Variants in HDAC9 observed in about 807,000 individuals in gnomAD.
HDAC9 encodes MEF-2 interacting transcription repressor (MITR) protein.
A neutral mutation model predicts 139.4 loss-of-function variants in HDAC9; 41 were observed. That is an observed-to-expected ratio of 0.29 (90% CI 0.23 to 0.38). The LOEUF is 0.38. Among genes scored for constraint, HDAC9 ranks in the 10% least tolerant of loss-of-function variants. HDAC9 has a pLI of 1.00. For synonymous variants in HDAC9, 517 were observed against 476.2 expected (o/e 1.09, Z -1.12); for missense variants, 1,147 against 1,297.0 (o/e 0.88, Z 1.78).
At chr7:18,843,210 C>G (rs1354698810) in intron 21 of HDAC9, among the ~76,000 whole-genome samples, 1 of 151,974 alleles carries the variant, frequency 6.6e-6, no homozygotes, top group Non-Finnish European at 1.5e-5. Flanking sequence ...ATTTGTATGC[C>G]TAGAAGTGAT....
chr7:18,411,885 G>C (rs886519360), intron 1 of HDAC9, among the ~76,000 whole-genome samples: 5 of 145,572 alleles, frequency 3.4e-5, no homozygotes, highest in Non-Finnish European at 7.4e-5. Context: ...GAGTGCAGTG[G>C]CATGTTCTCA....
At chr7:18,400,560 G>A (rs754612683) in intron 1 of HDAC9, among the ~76,000 whole-genome samples, 1 of 152,166 alleles carries the variant, frequency 6.6e-6, no homozygotes, top group Non-Finnish European at 1.5e-5. Context: ...CGGGAGGTAT[G>A]AATGGGAACT....
chr7:19,000,632 A>C lies in HDAC9; in HGVS notation c.*4570A>C, dbSNP rs1164318276. The C allele has an allele frequency of 6.6e-6, 1 of 152,208 alleles. No individual in the cohort carries two copies. The highest frequency in any genetic ancestry group is 1.5e-5 in the Non-Finnish European group (1 of 68,020). The allele number at this position is 152,208 out of a possible 1,614,324, so 9.4% of individuals were successfully genotyped here. The stretch of plus-strand genomic sequence containing the variant: ...ACTAGGTCAGACAATGAAACCTTAG[A>C]CTTTTGATTGGGGCTGTTTGGACTT... On this transcript the variant is annotated 3_prime_UTR_variant, in exon 26 of 26. Coordinates refer to ENST00000686413, the MANE Select transcript of HDAC9 (RefSeq NM_178425.4).
intron 2 of HDAC9, among the ~76,000 whole-genome samples, chr7:18,183,809 G>T (rs1789692857): frequency 6.6e-6 from 1 of 152,094 alleles, no homozygotes; most frequent in Admixed American, 6.6e-5. Context: ...GTAAACTAAG[G>T]TATTAAAGTA....
At chr7:18,470,107 G>T (rs1794610064) in intron 1 of HDAC9, among the ~76,000 whole-genome samples, 1 of 152,056 alleles carries the variant, frequency 6.6e-6, no homozygotes, top group South Asian at 2.1e-4. Flanking sequence ...GGTGGCCAAG[G>T]TAGGAGGACC....
At chr7:18,276,620 C>T (rs936749989) in intron 2 of HDAC9, among the ~76,000 whole-genome samples, 9 of 152,132 alleles carry the variant, frequency 5.9e-5, no homozygotes, top group Admixed American at 3.3e-4. Context: ...CTTGACAGAG[C>T]ACCTCTAGAG....
Position 18,874,512 on chromosome 7 carries a change from C to G in HDAC9, c.2719C>G (p.Pro907Ala). The G allele has an allele frequency of 1.3e-6, 2 of 1,592,672 alleles. No individual in the cohort carries two copies. Among genetic ancestry groups the G allele is most frequent in the Non-Finnish European group, 1.7e-6 (2 of 1,168,506 alleles). ...GAAGCCTGTGGCCAAAGAGTTTGAT[C>G]CAGACATGGTCTTAGTATCTGCTGG... ...IVKPVAKEFD[P>A]DMVLVSAGFD... The change falls in exon 22 of 26, where the codon CCA (proline) becomes GCA (alanine). Residue 907 changes from proline to alanine, a missense_variant. By Grantham distance (27) the Pro-to-Ala change is conservative. Transcript: ENST00000686413.
At chr7:18,571,405 G>A (rs190873448) in intron 2 of HDAC9, among the ~76,000 whole-genome samples, 31 of 152,248 alleles carry the variant, frequency 2.0e-4, no homozygotes, top group Admixed American at 5.2e-4. Flanking sequence ...AAGGAATAGC[G>A]GAGGAAGTGA....
rs191740393 is a variant in HDAC9 at position 18,382,710 on chromosome 7, C to T, written c.-42+92195C>T. 1.0e-3 allele frequency among the ~76,000 whole-genome samples: 156 copies of T among 152,124 alleles called. 2 individuals carry two copies. The highest frequency in any genetic ancestry group is 0.01 in the Admixed American group (156 of 15,284). On this transcript the variant is annotated intron_variant, in intron 1 of 3. Coordinates refer to the HDAC9 transcript ENST00000413509. ...TTTGCAGAAAAATTATTAGAAATGA[C>T]ATGAAGGAATAGTAAGCTGAGGATG...
At chr7:18,780,522 G>A (rs1174642200) in intron 16 of HDAC9, among the ~76,000 whole-genome samples, 1 of 151,968 alleles carries the variant, frequency 6.6e-6, no homozygotes, top group Non-Finnish European at 1.5e-5. Flanking sequence ...CAGTGAAGAA[G>A]CATCATTGTA....
intron 24 of HDAC9, among the ~76,000 whole-genome samples, chr7:18,966,747 G>C (rs959672820): frequency 6.6e-6 from 1 of 151,944 alleles, no homozygotes; most frequent in African/African-American, 2.4e-5. Context: ...GGGAAAATTT[G>C]AGAAATCAGC....
At chr7:18,640,590 G>A (rs1785284006) in intron 8 of HDAC9, among the ~76,000 whole-genome samples, 1 of 151,188 alleles carries the variant, frequency 6.6e-6, no homozygotes, top group Non-Finnish European at 1.5e-5. Context: ...CCTTGCTCCT[G>A]GAGGCATCAT....
chr7:18,627,245 A>C (rs1332310667), intron 6 of HDAC9, among the ~76,000 whole-genome samples: 2 of 152,144 alleles, frequency 1.3e-5, no homozygotes, highest in East Asian at 3.9e-4. Context: ...TGCCTTTTGA[A>C]GTGATCAATT....
chr7:18,396,392 T>G (rs1787065333), intron 1 of HDAC9, among the ~76,000 whole-genome samples: 1 of 152,034 alleles, frequency 6.6e-6, no homozygotes, highest in African/African-American at 2.4e-5. Context: ...GGTGGAGGGA[T>G]AGTATAGATG....
chr7:18,548,569 T>C (rs1470479250), intron 2 of HDAC9, among the ~76,000 whole-genome samples: 1 of 152,226 alleles, frequency 6.6e-6, no homozygotes, highest in Non-Finnish European at 1.5e-5. Flanking sequence ...AATAAGTGTA[T>C]GTGAGTCTAT....
chr7:18,534,755 G>A (rs954999323), intron 2 of HDAC9, among the ~76,000 whole-genome samples: 1 of 152,158 alleles, frequency 6.6e-6, no homozygotes, highest in Non-Finnish European at 1.5e-5. Context: ...CAGCTCTTGT[G>A]TCCCACGTTT....
At chr7:18,614,526 G>A (rs1218847462) in intron 6 of HDAC9, among the ~76,000 whole-genome samples, 1 of 152,016 alleles carries the variant, frequency 6.6e-6, no homozygotes. Flanking sequence ...ATAATGCCTA[G>A]TGTAAACGTT....
intron 19 of HDAC9, among the ~76,000 whole-genome samples, chr7:18,833,585 C>A (rs1796013588): frequency 6.6e-6 from 1 of 152,150 alleles, no homozygotes; most frequent in Admixed American, 6.5e-5. Flanking sequence ...TGTTTACATA[C>A]AGGAAAATAG....
chr7:18,945,381 T>C (rs1782304520), intron 23 of HDAC9, among the ~76,000 whole-genome samples: 2 of 152,234 alleles, frequency 1.3e-5, no homozygotes, highest in Non-Finnish European at 1.5e-5. Flanking sequence ...TTTTCCTTAC[T>C]GATTTAGCAA....
Sources: gnomAD v4.1 joint callset for allele counts (sites outside exome capture counted in the v4.1 genomes callset) on GRCh38, gnomAD v4.1.1 for gene constraint, MANE v1.5 for transcripts, NCBI Gene and HGNC (gene_info 2026-07-23, HGNC 2026-07-21) for gene names.